ROBO2: variants seen among roughly 807,000 people sequenced by gnomAD.
ROBO2 encodes roundabout guidance receptor 2.
In ROBO2, 53 loss-of-function variants were observed where a neutral mutation model predicts 160.8. The ratio of observed to expected loss-of-function variants is 0.33; its 90% CI spans 0.26 to 0.41. The LOEUF (loss-of-function observed/expected upper bound fraction) is 0.41, where lower values mean the gene tolerates loss of function less well. Ranked by LOEUF, ROBO2 falls within the 10% of genes least tolerant of loss-of-function variation. The probability of loss-of-function intolerance (pLI) is 1.00; values close to 1 mark genes in which losing one functional copy is unlikely to be tolerated. For missense variants in ROBO2, 1,577 were observed against 1,722.4 expected, an observed-to-expected ratio of 0.92 and a Z score of 1.49; for synonymous variants, 664 against 611.7, an observed-to-expected ratio of 1.09 and a Z score of -1.26.
At chr3:76,859,267 G>A (rs572103938) in intron 2 of ROBO2, among the ~76,000 whole-genome samples, 7 of 152,300 alleles carry the variant, frequency 4.6e-5, no homozygotes, top group Middle Eastern at 3.4e-3. Flanking sequence ...TTTTATCAAT[G>A]CAAGGACTGT....
intron 1 of ROBO2, among the ~76,000 whole-genome samples, chr3:77,069,853 G>A (rs903136906): frequency 1.3e-5 from 2 of 152,120 alleles, no homozygotes; most frequent in African/African-American, 4.8e-5. Context: ...AGGGAAGAGC[G>A]CTGATATGTG....
chr3:76,575,529 C>G (rs1463200513), intron 2 of ROBO2, among the ~76,000 whole-genome samples: 2 of 151,928 alleles, frequency 1.3e-5, no homozygotes, highest in Non-Finnish European at 2.9e-5. Context: ...TTTTACTTGT[C>G]ATAGGCAAGT....
chr3:77,192,906 A>C (rs899200770), intron 2 of ROBO2, among the ~76,000 whole-genome samples: 1 of 151,910 alleles, frequency 6.6e-6, no homozygotes, highest in African/African-American at 2.4e-5. Flanking sequence ...CACCTGCCTC[A>C]GTCTCCAAAA....
intron 2 of ROBO2, among the ~76,000 whole-genome samples, chr3:77,006,464 A>G (rs2061586778): frequency 6.6e-6 from 1 of 152,064 alleles, no homozygotes; most frequent in African/African-American, 2.4e-5. Flanking sequence ...AAGGCTTTTC[A>G]AAAGTTACTT....
At chr3:76,475,196 G>T (rs1176360033) in intron 2 of ROBO2, among the ~76,000 whole-genome samples, 2 of 152,036 alleles carry the variant, frequency 1.3e-5, no homozygotes, top group Non-Finnish European at 2.9e-5. Flanking sequence ...ATTTGACCAC[G>T]GGAAAAAATA....
intron 2 of ROBO2, among the ~76,000 whole-genome samples, chr3:76,911,353 A>G (rs2075981243): frequency 6.6e-6 from 1 of 152,200 alleles, no homozygotes; most frequent in Non-Finnish European, 1.5e-5. Flanking sequence ...AAATTGGAAA[A>G]CCTTTTCCCC....
chr3:77,365,150 G>GAA (rs142131118), intron 2 of ROBO2, among the ~76,000 whole-genome samples: 2 of 134,350 alleles, frequency 1.5e-5, no homozygotes, highest in Non-Finnish European at 3.1e-5. Flanking sequence ...TCCATCTCAG[G>GAA]AAAAAAAAAA....
chr3:77,198,676 G>A (rs2082532499), intron 2 of ROBO2, among the ~76,000 whole-genome samples: 1 of 152,240 alleles, frequency 6.6e-6, no homozygotes, highest in African/African-American at 2.4e-5. Context: ...CCAGGTGGGC[G>A]GATCATCTGA....
intron 2 of ROBO2, among the ~76,000 whole-genome samples, chr3:76,403,146 C>A (rs903558528): frequency 6.6e-6 from 1 of 151,322 alleles, no homozygotes; most frequent in Admixed American, 6.6e-5. Context: ...CTGTGGGGGG[C>A]CATTATTATG....
chr3:75,917,672 A>G (rs554142845), intron 1 of ROBO2, among the ~76,000 whole-genome samples: 1 of 152,128 alleles, frequency 6.6e-6, no homozygotes. Flanking sequence ...AAGTGTTCCT[A>G]TTTCTCTGCA....
At chr3:77,235,160 TAAAC>T (rs1264648747) in intron 2 of ROBO2, among the ~76,000 whole-genome samples, 4 of 152,190 alleles carry the variant, frequency 2.6e-5, no homozygotes, top group Admixed American at 1.3e-4. Flanking sequence ...TCTATGGTGA[TAAAC>T]AATATTCGAT....
Position 76,278,675 on chromosome 3 carries a change from G to A in ROBO2, c.109+341073G>A, listed in dbSNP as rs140771133. 3.5e-3 allele frequency among the ~76,000 whole-genome samples: 527 copies of A among 152,062 alleles called. 2 individuals carry two copies. Among genetic ancestry groups the A allele is most frequent in the African/African-American group, 0.012 (506 of 41,522 alleles). ...CTGGAACCTGTCATTTTGTGATGAT[G>A]GATCTGAACAAGAAGACACATGTAC... On this transcript the variant is annotated intron_variant, in intron 2 of 26. Coordinates refer to the ROBO2 transcript ENST00000487694.
intron 1 of ROBO2, among the ~76,000 whole-genome samples, chr3:75,921,463 C>T (rs57104550): frequency 0.094 from 14,284 of 152,008 alleles, 2,170 homozygotes; most frequent in African/African-American, 0.31. Flanking sequence ...TTTGATCTTT[C>T]GTGTTCTGCA....
At chr3:76,161,802 G>A (rs1461155847) in intron 2 of ROBO2, among the ~76,000 whole-genome samples, 1 of 151,968 alleles carries the variant, frequency 6.6e-6, no homozygotes, top group Non-Finnish European at 1.5e-5. Flanking sequence ...ACCTGCCTCT[G>A]TCTCTCCTAT....
chr3:77,007,652 C>T (rs996376075), intron 2 of ROBO2, among the ~76,000 whole-genome samples: 2 of 152,038 alleles, frequency 1.3e-5, no homozygotes, highest in East Asian at 3.9e-4. Flanking sequence ...GCATCCTATA[C>T]TATGCATATA....
chr3:76,620,783 T>C (rs1405937003), intron 2 of ROBO2, among the ~76,000 whole-genome samples: 1 of 152,252 alleles, frequency 6.6e-6, no homozygotes, highest in Non-Finnish European at 1.5e-5. Context: ...AATTCTATAT[T>C]ATAAGTAAGA....
At chr3:76,910,036 C>T (rs2075867120) in intron 2 of ROBO2, among the ~76,000 whole-genome samples, 1 of 152,096 alleles carries the variant, frequency 6.6e-6, no homozygotes, top group Non-Finnish European at 1.5e-5. Flanking sequence ...ATCATGGAAT[C>T]ATGTTTACAA....
intron 2 of ROBO2, among the ~76,000 whole-genome samples, chr3:76,444,230 G>T (rs908255300): frequency 1.3e-5 from 2 of 151,998 alleles, no homozygotes; most frequent in Non-Finnish European, 2.9e-5. Flanking sequence ...CACCCGCCTT[G>T]GCCTCCAAAA....
At chr3:76,495,062 C>T (rs1323865904) in intron 2 of ROBO2, among the ~76,000 whole-genome samples, 1 of 151,920 alleles carries the variant, frequency 6.6e-6, no homozygotes, top group Non-Finnish European at 1.5e-5. Flanking sequence ...AATTTCACCT[C>T]AATTTTTAAA....
Sources: gnomAD v4.1 joint callset for allele counts (sites outside exome capture counted in the v4.1 genomes callset) on GRCh38, gnomAD v4.1.1 for gene constraint, MANE v1.5 for transcripts, NCBI Gene and HGNC (gene_info 2026-07-23, HGNC 2026-07-21) for gene names.